The following TTC29 variants were observed in gnomAD, a reference collection of about 807,000 sequenced individuals.
TTC29 encodes the protein tetratricopeptide repeat domain 29.
TTC29 carries 49 observed loss-of-function variants against 58.1 expected under a neutral mutation model. The ratio of observed to expected loss-of-function variants is 0.84; its 90% CI spans 0.67 to 1.07. The LOEUF (loss-of-function observed/expected upper bound fraction) is 1.07. Among genes scored for constraint, TTC29 ranks in the 50% least tolerant of loss-of-function variants. The probability of loss-of-function intolerance (pLI) is 0.00; values close to 1 mark genes in which losing one functional copy is unlikely to be tolerated. For synonymous variants in TTC29, 209 were observed against 196.8 expected, an observed-to-expected ratio of 1.06 and a Z score of -0.52; for missense variants, 582 against 555.6, an observed-to-expected ratio of 1.05 and a Z score of -0.48.
chr4:146,795,985 T>C (rs1332702236), intron 11 of TTC29, among the ~76,000 whole-genome samples: 1 of 152,208 alleles, frequency 6.6e-6, no homozygotes, highest in Non-Finnish European at 1.5e-5. Flanking sequence ...GTTCTCCAAC[T>C]CTTCCTTTCT....
intron 6 of TTC29, 132 bp downstream of exon 6, chr4:146,903,412 T>G: frequency 1.3e-6 from 1 of 772,856 alleles, no homozygotes. Context: ...GGTTTTGCTT[T>G]TTGATCTCAA....
At chr4:146,862,771 C>T (rs1730318952) in intron 8 of TTC29, among the ~76,000 whole-genome samples, 3 of 152,140 alleles carry the variant, frequency 2.0e-5, no homozygotes, top group Admixed American at 6.5e-5. Flanking sequence ...GGCTGGAATA[C>T]GCCCTTGCCT....
chr4:146,749,858 C>T (rs1307193800), intron 11 of TTC29, among the ~76,000 whole-genome samples: 1 of 152,146 alleles, frequency 6.6e-6, no homozygotes, highest in Non-Finnish European at 1.5e-5. Flanking sequence ...CAGCAGAAAC[C>T]TTGCAGGCCA....
chr4:146,780,642 C>T (rs902248421), intron 11 of TTC29, among the ~76,000 whole-genome samples: 1 of 151,818 alleles, frequency 6.6e-6, no homozygotes, highest in African/African-American at 2.4e-5. Context: ...TTTGCCTTAT[C>T]TCCAGTTCAT....
At chr4:146,844,162 T>C (rs1382326392) in intron 8 of TTC29, among the ~76,000 whole-genome samples, 1 of 152,188 alleles carries the variant, frequency 6.6e-6, no homozygotes, top group Non-Finnish European at 1.5e-5. Context: ...TCAAAAGCTG[T>C]AAAAACATAA....
At chr4:146,915,623 A>G (rs1160572711) in intron 4 of TTC29, among the ~76,000 whole-genome samples, 2 of 152,092 alleles carry the variant, frequency 1.3e-5, no homozygotes. Context: ...TAGAAATTAC[A>G]ATTTATTTTA....
At chr4:146,913,794 G>A (rs990872643) in intron 4 of TTC29, among the ~76,000 whole-genome samples, 1 of 152,030 alleles carries the variant, frequency 6.6e-6, no homozygotes, top group African/African-American at 2.4e-5. Context: ...TGCTGTCTGT[G>A]ACCAAAGAAC....
At chr4:146,902,434 G>A (rs187005106) in intron 6 of TTC29, among the ~76,000 whole-genome samples, 4 of 152,218 alleles carry the variant, frequency 2.6e-5, no homozygotes, top group Non-Finnish European at 5.9e-5. Context: ...ATGTACCCCT[G>A]AACTTAAAAT....
chr4:146,906,499 C>T (rs1733530076), intron 5 of TTC29, among the ~76,000 whole-genome samples: 1 of 152,110 alleles, frequency 6.6e-6, no homozygotes, highest in African/African-American at 2.4e-5. Flanking sequence ...CTTTAAGATA[C>T]TATTAACACA....
intron 4 of TTC29, among the ~76,000 whole-genome samples, chr4:146,925,927 T>C (rs1253232867): frequency 1.3e-5 from 2 of 152,194 alleles, no homozygotes; most frequent in East Asian, 1.9e-4. Context: ...TCCTTTTTTC[T>C]ACTGCATTGC....
intron 6 of TTC29, among the ~76,000 whole-genome samples, chr4:146,902,942 T>C (rs568024369): frequency 6.6e-6 from 1 of 152,294 alleles, no homozygotes; most frequent in South Asian, 2.1e-4. Flanking sequence ...CATCTTTCCC[T>C]ATATTTTCTT....
Position 146,755,781 on chromosome 4 carries a change from AGGGTTCT to A in TTC29, c.1330+47669_1330+47675del, listed in dbSNP as rs1579601389. On this transcript the variant is annotated intron_variant, in intron 11 of 12. Transcript: ENST00000325106. The stretch of plus-strand genomic sequence containing the variant: ...TTTTTAAAATACTCTTTAAAAAATT[AGGGTTCT>A]GTATCACAAATCCAAAGGTTGCACA... Among the ~76,000 whole-genome samples the A allele has an allele frequency of 2.0e-5, 3 of 152,248 alleles. No individual in the cohort carries two copies. The East Asian group carries it at 5.8e-4, about 29-fold the overall frequency.
chr4:146,838,274 G>T (rs911847234), intron 8 of TTC29, among the ~76,000 whole-genome samples: 10 of 151,994 alleles, frequency 6.6e-5, no homozygotes, highest in Non-Finnish European at 7.4e-5. Context: ...AAAGAACAAT[G>T]CTGGGGATAT....
intron 6 of TTC29, among the ~76,000 whole-genome samples, chr4:146,886,495 G>A (rs2150241079): frequency 6.6e-6 from 1 of 152,250 alleles, no homozygotes; most frequent in East Asian, 1.9e-4. Flanking sequence ...AGGGAGTTAT[G>A]TGCTGGACCC....
intron 11 of TTC29, among the ~76,000 whole-genome samples, chr4:146,744,373 G>C: frequency 6.6e-6 from 1 of 150,950 alleles, no homozygotes; most frequent in Admixed American, 6.6e-5. Context: ...TCTCTTAAAA[G>C]AGAGAGAGAG....
At chr4:146,861,733 A>G (rs999336136) in intron 8 of TTC29, among the ~76,000 whole-genome samples, 9 of 152,286 alleles carry the variant, frequency 5.9e-5, no homozygotes, top group South Asian at 2.1e-4. Flanking sequence ...TCAGATTAAT[A>G]GAACTATTAT....
At position 146,868,982 on chromosome 4, in the gene TTC29, G is replaced by T. The variant is rs771675777; in HGVS notation, c.800-1399C>A. Among the ~76,000 whole-genome samples, 3 of 150,882 alleles carry T rather than the reference G, an allele frequency of 2.0e-5. No individual in the cohort carries two copies. The Admixed American group carries it at 2.0e-4, about 10-fold the overall frequency. On this transcript the variant is annotated intron_variant, in intron 7 of 12. Transcript: ENST00000325106. The stretch of plus-strand genomic sequence containing the variant: ...TACCATCTCTCTTACTCCTTCTCTC[G>T]CCATATGACATGCCTGCTCCCCTTC...
chr4:146,750,600 G>A (rs1234339374), intron 11 of TTC29, among the ~76,000 whole-genome samples: 1 of 152,172 alleles, frequency 6.6e-6, no homozygotes, highest in Non-Finnish European at 1.5e-5. Context: ...GTTGAGGAAG[G>A]AGGGTATAAG....
chr4:146,861,515 T>G (rs1260778997), intron 8 of TTC29, among the ~76,000 whole-genome samples: 6 of 152,188 alleles, frequency 3.9e-5, no homozygotes, highest in Non-Finnish European at 7.4e-5. Context: ...CTAGTAGGTG[T>G]TTCAGTCCTA....
Sources: gnomAD v4.1 joint callset for allele counts (sites outside exome capture counted in the v4.1 genomes callset) on GRCh38, gnomAD v4.1.1 for gene constraint, MANE v1.5 for transcripts, NCBI Gene and HGNC (gene_info 2026-07-23, HGNC 2026-07-21) for gene names.